The following FLG variants were observed in gnomAD, a reference collection of about 807,000 sequenced individuals.
FLG encodes the protein filaggrin.
Under a neutral mutation model 3.8 loss-of-function variants are expected in FLG, and 6 were observed. The ratio of observed to expected loss-of-function variants is 1.60; its 90% CI spans 0.87 to 3.15. FLG has a LOEUF of 3.15. Ranked by LOEUF, FLG falls within the 30% of genes most tolerant of loss-of-function variation. FLG has a pLI of 0.00. For missense variants in FLG, 7,595 were observed against 5,050.9 expected, an observed-to-expected ratio of 1.50 and a Z score of -15.27; for synonymous variants, 2,551 against 1,931.6, an observed-to-expected ratio of 1.32 and a Z score of -8.41.
intron 1 of FLG, among the ~76,000 whole-genome samples, chr1:152,318,441 C>T (rs1024557506): frequency 6.6e-6 from 1 of 151,872 alleles, no homozygotes; most frequent in Non-Finnish European, 1.5e-5. Flanking sequence ...GATCTCATGA[C>T]ACCATATTCT....
rs1381297842 is a variant in FLG at position 152,309,608 on chromosome 1, C to G, written c.5278G>C (p.Gly1760Arg). The change falls in exon 3 of 3, where the codon GGA becomes CGA. Residue 1760 changes from glycine (G) to arginine (R), a missense_variant. Physicochemically the swap from Gly to Arg is moderately radical, Grantham distance 125. Transcript: ENST00000368799. Reference protein sequence around the residue: ...STRGQSGERSGRSGSFLYQVS... With the variant: ...STRGQSGERSRRSGSFLYQVS... The stretch of plus-strand genomic sequence containing the variant: ...TGGTAGAGGAAAGACCCTGAACGTC[C>G]AGACCTTTCCCCTGACTGGCCACGT... The G allele has an allele frequency of 6.2e-7, 1 of 1,613,906 alleles. No individual in the cohort carries two copies. Among genetic ancestry groups the G allele is most frequent in the South Asian group, 1.1e-5 (1 of 91,032 alleles).
rs143334387 is a variant in FLG at position 152,311,073 on chromosome 1, G to A, written c.3813C>T (p.Ser1271=). The change falls in exon 3 of 3, where the codon AGC becomes AGT. Residue 1271 remains serine (S), a synonymous_variant. Transcript: ENST00000368799. ...RTSRHQGSSV[S]QDSDSERHSD... is the part of the protein sequence containing the mutation. ...AGTGTCTCTCACTGTCACTGTCCTGGCTAACACTGGATCCCTGGTGCCTGC... is the reference window on the plus strand; with the variant it reads ...AGTGTCTCTCACTGTCACTGTCCTGACTAACACTGGATCCCTGGTGCCTGC... 272 of 1,613,798 alleles carry A rather than the reference G, an allele frequency of 1.7e-4. 2 individuals carry two copies. In the African/African-American group the frequency reaches 3.2e-3, roughly 19 times the overall value.
Position 152,311,547 on chromosome 1 carries a change from A to ACGTCCAGACCTTCCCCCTGAC in FLG, c.3318_3338dup (p.Gly1109_Gly1115dup). ...TCACCTGGTAGATGAAAGACCCTGA[A>ACGTCCAGACCTTCCCCCTGAC]CGTCCAGACCTTCCCCCTGACCAGT... is the stretch of plus-strand genomic sequence containing the variant. On this transcript the variant is annotated inframe_insertion, in exon 3 of 3. Coordinates refer to ENST00000368799, the MANE Select transcript of FLG (RefSeq NM_002016.2). 6.2e-7 allele frequency: 1 copy of ACGTCCAGACCTTCCCCCTGAC among 1,613,118 alleles called. No homozygotes were observed. The highest frequency in any genetic ancestry group is 8.5e-7 in the Non-Finnish European group (1 of 1,179,824).
In FLG at chr1:152,305,267, T is replaced by C; in HGVS notation, c.9619A>G (p.Arg3207Gly). ...ACACTGGATCCCTGGCGCCTGCTTC[T>C]CCTGGACCCCTCTGATTGTCCCTGG... ...AVQGQSEGSR[R>G]SRRQGSSVSQ... is the part of the protein sequence containing the mutation. The change falls in exon 3 of 3, where the codon AGA becomes GGA. Residue 3207 changes from arginine (R) to glycine (G), a missense_variant. Transcript: ENST00000368799. 1 of 1,612,442 alleles carries C rather than the reference T, an allele frequency of 6.2e-7. No homozygotes were observed. The highest frequency in any genetic ancestry group is 8.5e-7 in the Non-Finnish European group (1 of 1,179,732).
At chr1:152,323,201 C>T (rs115786466) in intron 1 of FLG, among the ~76,000 whole-genome samples, 1,889 of 151,520 alleles carry the variant, frequency 0.012, 45 homozygotes, top group African/African-American at 0.043. Context: ...AAGAGATAAA[C>T]GAAGATAACA....
Position 152,308,154 on chromosome 1 carries a change from G to A in FLG, c.6732C>T (p.Ser2244=), listed in dbSNP as rs150022882. Residue 2244 remains serine, a synonymous_variant, in exon 3 of 3, where the codon AGC becomes AGT. Transcript: ENST00000368799. ...AGTGTCCCTCACTGTCACTGTCCTG[G>A]CTAACACTGGATCCCCGGGGCCTGC... ...RTSRPRGSSV[S]QDSDSEGHSE... is the part of the protein sequence containing the mutation. 123 of 1,613,748 alleles carry A rather than the reference G, an allele frequency of 7.6e-5. No individual in the cohort carries two copies. In the African/African-American group the frequency reaches 9.5e-4, roughly 12 times the overall value.
rs760681209 is a variant in FLG, at chr1:152,314,717, A to G, written c.169T>C (p.Phe57Leu). The G allele has an allele frequency of 2.9e-5, 47 of 1,613,800 alleles. No individual in the cohort carries two copies. Among genetic ancestry groups the G allele is most frequent in the Non-Finnish European group, 3.8e-5 (45 of 1,179,804 alleles). ...NPDDPDMVDV[F>L]MDHLDIDHNK... Reference sequence around the variant, plus strand: ...TGGTCTATATCCAAGTGATCCATGAAGACATCAACCATATCTGGGTCATCT... The same window carrying G: ...TGGTCTATATCCAAGTGATCCATGAGGACATCAACCATATCTGGGTCATCT... Residue 57 changes from phenylalanine to leucine, a missense_variant, in exon 3 of 3, where the codon TTC becomes CTC. Phe to Leu is a conservative substitution (Grantham distance 22). Transcript: ENST00000368799.
In FLG at chr1:152,310,656, C is replaced by A; in HGVS notation, c.4230G>T (p.Val1410=). The A allele has an allele frequency of 6.2e-7, 1 of 1,614,048 alleles. No individual in the cohort carries two copies. Residue 1410 remains valine (V), a synonymous_variant, in exon 3 of 3, where the codon GTG becomes GTT. Coordinates refer to ENST00000368799, the MANE Select transcript of FLG (RefSeq NM_002016.2). ...GHSEDSDTQS[V]SAHGQAGPHQ... ...GGGGCCCAGCTTGTCCGTGGGCTGACACTGACTGTGTGTCTGAGTCTTCTG... is the reference window on the plus strand; with the variant it reads ...GGGGCCCAGCTTGTCCGTGGGCTGAAACTGACTGTGTGTCTGAGTCTTCTG...
At position 152,313,765 on chromosome 1, in the gene FLG, T is replaced by C; in HGVS notation, c.1121A>G (p.Glu374Gly). ...TTCTCCTGGACTTGATCTTGCCTGT[T>C]CATGGGATGATGCAGTCTGTCCACG... ...SSRGQTASSH[E>G]QARSSPGERH... Residue 374 changes from glutamate (E) to glycine (G), a missense_variant, in exon 3 of 3, where the codon GAA (glutamate) becomes GGA (glycine). By Grantham distance (98) the Glu-to-Gly change is moderately conservative. Transcript: ENST00000368799. The C allele has an allele frequency of 6.2e-7, 1 of 1,614,072 alleles. No homozygotes were observed. The highest frequency in any genetic ancestry group is 8.5e-7 in the Non-Finnish European group (1 of 1,179,956).
At position 152,313,443 on chromosome 1, in the gene FLG, G is replaced by T. The variant is rs1395567937; in HGVS notation, c.1443C>A (p.Ala481=). The change falls in exon 3 of 3, where the codon GCC becomes GCA. Residue 481 remains alanine, a synonymous_variant. Transcript: ENST00000368799. Reference sequence around the variant, plus strand: ...CAGTGCTGGTCCCGGTCCGTCCATGGGCAGAGTCAGGCTGTTCATGAGTGC... The same window carrying T: ...CAGTGCTGGTCCCGGTCCGTCCATGTGCAGAGTCAGGCTGTTCATGAGTGC... ...QVSTHEQPDS[A]HGRTGTSTGG... is the part of the protein sequence containing the mutation. 2 of 1,613,812 alleles carry T rather than the reference G, an allele frequency of 1.2e-6. No homozygotes were observed. Among genetic ancestry groups the T allele is most frequent in the Admixed American group, 1.7e-5 (1 of 59,998 alleles).
rs771368026 is a variant in FLG, at chr1:152,313,802, C to G, written c.1084G>C (p.Glu362Gln). 34 of 1,613,926 alleles carry G rather than the reference C, an allele frequency of 2.1e-5. No individual in the cohort carries two copies. Among genetic ancestry groups the G allele is most frequent in the Middle Eastern group, 1.6e-4 (1 of 6,084 alleles). Reference sequence around the variant, plus strand: ...GCAGTCTGTCCACGAGAGGAAGTCTCTGCGTGACGAGTGCCTGATTGTCTG... The same window carrying G: ...GCAGTCTGTCCACGAGAGGAAGTCTGTGCGTGACGAGTGCCTGATTGTCTG... ...SSRQSGTRHA[E>Q]TSSRGQTASS... The change falls in exon 3 of 3, where the codon GAG becomes CAG. Residue 362 changes from glutamate (E) to glutamine (Q), a missense_variant. Transcript: ENST00000368799.
Position 152,312,445 on chromosome 1 carries a change from G to T in FLG, c.2441C>A (p.Thr814Asn), listed in dbSNP as rs761774827. ...ATGGTGGGATCCTTGTCTTACTCCA[G>T]TGCTGGGCCCTGTCCATCCATGGGA... ...ESSHGWTGPSTGVRQGSHHEQ... is the reference protein window; with the variant it reads ...ESSHGWTGPSNGVRQGSHHEQ... The change falls in exon 3 of 3, where the codon ACT (threonine) becomes AAT (asparagine). Residue 814 changes from threonine to asparagine, a missense_variant. Coordinates refer to ENST00000368799, the MANE Select transcript of FLG (RefSeq NM_002016.2). 9 of 1,613,504 alleles carry T rather than the reference G, an allele frequency of 5.6e-6. No homozygotes were observed. Among genetic ancestry groups the T allele is most frequent in the African/African-American group, 2.7e-5 (2 of 74,714 alleles).
In FLG at chr1:152,309,925, C is replaced by A; in HGVS notation, c.4961G>T (p.Gly1654Val). The change falls in exon 3 of 3, where the codon GGC becomes GTC. Residue 1654 changes from glycine (G) to valine (V), a missense_variant. Physicochemically the swap from Gly to Val is moderately radical, Grantham distance 109 (BLOSUM62 -3). Transcript: ENST00000368799. The stretch of plus-strand genomic sequence containing the variant: ...AGAGGAAGTCTCTGCATGACGAGTG[C>A]CTGATTGTCTGGAGCTCTCTGCAGA... ...GHSAESSRQS[G>V]TRHAETSSGG... 1 of 1,614,112 alleles carries A rather than the reference C, an allele frequency of 6.2e-7. No individual in the cohort carries two copies. Among genetic ancestry groups the A allele is most frequent in the Non-Finnish European group, 8.5e-7 (1 of 1,180,024 alleles).
Position 152,313,538 on chromosome 1 carries a change from G to T in FLG, c.1348C>A (p.His450Asn), listed in dbSNP as rs1169534396. 1.2e-6 allele frequency: 2 copies of T among 1,613,986 alleles called. No homozygotes were observed. The highest frequency in any genetic ancestry group is 2.7e-5 in the African/African-American group (2 of 74,980). The change falls in exon 3 of 3, where the codon CAC becomes AAC. Residue 450 changes from histidine to asparagine, a missense_variant. His to Asn is a moderately conservative substitution (Grantham distance 68). Coordinates refer to ENST00000368799, the MANE Select transcript of FLG (RefSeq NM_002016.2). ...GACCGGCCACGTGTGGACTCTTGGT[G>T]GCTCTGCTGTCTCAGCCCAGCCTTT... ...HGKAGLRQQS[H>N]QESTRGRSGE...
rs753078131 is a variant in FLG, at chr1:152,309,006, A to G, written c.5880T>C (p.His1960=). 8 of 1,614,072 alleles carry G rather than the reference A, an allele frequency of 5.0e-6. No individual in the cohort carries two copies. The highest frequency in any genetic ancestry group is 4.5e-5 in the East Asian group (2 of 44,864). The change falls in exon 3 of 3, where the codon CAT becomes CAC. Residue 1960 remains histidine, a synonymous_variant. Coordinates refer to ENST00000368799, the MANE Select transcript of FLG (RefSeq NM_002016.2). ...GCCCGTGACCGGCTCTGTCTTCGTG[A>G]TGGGACCCAGGGTGTCTGGAGCCAT... is the stretch of plus-strand genomic sequence containing the variant. ...SRDGSRHPGS[H]HEDRAGHGHS... is the part of the protein sequence containing the mutation.
chr1:152,306,247 C>T lies in FLG; in HGVS notation c.8639G>A (p.Gly2880Glu), dbSNP rs771817033. 8.1e-6 allele frequency: 13 copies of T among 1,605,032 alleles called. No individual in the cohort carries two copies. The highest frequency in any genetic ancestry group is 2.2e-5 in the South Asian group (2 of 91,080). ...HSQAVQGQSE[G>E]SRRSRRQGSS... is the part of the protein sequence containing the mutation. ...TCCCTGGCGCCTGCTTCTCCTGGAC[C>T]CCTCTGATTGTCCCTGGACTGCCTG... Residue 2880 changes from glycine to glutamate, a missense_variant, in exon 3 of 3, where the codon GGG becomes GAG. Transcript: ENST00000368799.
Position 152,313,545 on chromosome 1 carries a change from CTG to C in FLG, c.1339_1340del (p.Gln447AlafsTer29). ...CACGTGTGGACTCTTGGTGGCTCTG[CTG>C]TCTCAGCCCAGCCTTTCCGTGGCCT... is the stretch of plus-strand genomic sequence containing the variant. ...VSGHGKAGLRQQSHQESTRGR... is the reference protein window; with the variant it reads ...VSGHGKAGLRXQSHQESTRGR... On this transcript the variant is annotated frameshift_variant, in exon 3 of 3. Transcript: ENST00000368799. LOFTEE classifies it low-confidence loss of function (END_TRUNC). The C allele has an allele frequency of 6.2e-7, 1 of 1,613,892 alleles. No homozygotes were observed. Among genetic ancestry groups the C allele is most frequent in the East Asian group, 2.2e-5 (1 of 44,824 alleles).
chr1:152,307,614 A>C lies in FLG; in HGVS notation c.7272T>G (p.Ser2424=). 6.2e-7 allele frequency: 1 copy of C among 1,613,622 alleles called. No individual in the cohort carries two copies. ...TCCCGGTCCGTCCATGGGCGGACTC[A>C]GACTGTTCATGAGTGCTCACCTGGT... The part of the protein sequence containing the change: ...FLYQVSTHEQ[S]ESAHGRTGTS... The change falls in exon 3 of 3, where the codon TCT becomes TCG. Residue 2424 remains serine, a synonymous_variant. Coordinates refer to ENST00000368799, the MANE Select transcript of FLG (RefSeq NM_002016.2).
At position 152,304,506 on chromosome 1, in the gene FLG, T is replaced by A; in HGVS notation, c.10380A>T (p.Ser3460=). Residue 3460 remains serine (S), a synonymous_variant, in exon 3 of 3, where the codon TCA becomes TCT. Coordinates refer to ENST00000368799, the MANE Select transcript of FLG (RefSeq NM_002016.2). ...YEQSVDRSGH[S]GSHHSHTTSQ... ...ATGTGGTGTGGCTGTGATGGGACCC[T>A]GAGTGTCCAGACCTATCTACCGATT... 1 of 1,612,866 alleles carries A rather than the reference T, an allele frequency of 6.2e-7. No homozygotes were observed. The highest frequency in any genetic ancestry group is 1.3e-5 in the African/African-American group (1 of 74,808).
Sources: gnomAD v4.1 joint callset for allele counts (sites outside exome capture counted in the v4.1 genomes callset) on GRCh38, gnomAD v4.1.1 for gene constraint, MANE v1.5 for transcripts, NCBI Gene and HGNC (gene_info 2026-07-23, HGNC 2026-07-21) for gene names.